PHF24: variants seen among roughly 807,000 people sequenced by gnomAD.
PHF24 encodes the protein Galpha inhibitory interacting protein.
Under a neutral mutation model 42.6 loss-of-function variants are expected in PHF24, and 25 were observed. The observed-to-expected ratio is 0.59, with a 90% CI of 0.43 to 0.82. The LOEUF is 0.82. Among genes scored for constraint, PHF24 ranks in the 40% least tolerant of loss-of-function variants. The pLI, the probability that PHF24 is intolerant of heterozygous loss-of-function variation, is 0.00. For missense variants in PHF24, 470 were observed against 538.1 expected, an observed-to-expected ratio of 0.87 and a Z score of 1.25; for synonymous variants, 185 against 204.8, an observed-to-expected ratio of 0.90 and a Z score of 0.83.
the PHF24 span, chr9:34,724,684 A>G: frequency 3.9e-6 from 6 of 1,546,680 alleles, no homozygotes; most frequent in Non-Finnish European, 5.3e-6. Flanking sequence ...ACTCTTTTGC[A>G]ACGTCTGTAC....
At chr9:34,817,354 C>A in the PHF24 span, among the ~76,000 whole-genome samples, 43 of 152,230 alleles carry the variant, frequency 2.8e-4, no homozygotes, top group East Asian at 7.7e-3. Flanking sequence ...AAGCCATCTT[C>A]CTGTCGCAGT....
At chr9:34,741,993 CAG>C in the PHF24 span, among the ~76,000 whole-genome samples, 2 of 152,108 alleles carry the variant, frequency 1.3e-5, no homozygotes, top group African/African-American at 4.8e-5. Flanking sequence ...CTTGAAAGTA[CAG>C]AGAGAATAGA....
At chr9:34,866,834 T>C in the PHF24 span, among the ~76,000 whole-genome samples, 1 of 152,066 alleles carries the variant, frequency 6.6e-6, no homozygotes, top group African/African-American at 2.4e-5. Context: ...TTAGTTTCCA[T>C]TTCTGTAGAC....
the PHF24 span, among the ~76,000 whole-genome samples, chr9:34,948,568 T>C: frequency 1.2e-4 from 18 of 152,228 alleles, no homozygotes; most frequent in African/African-American, 4.3e-4. Flanking sequence ...TACAAATGCC[T>C]GCAGTATTCA....
At chr9:34,756,057 G>C in the PHF24 span, among the ~76,000 whole-genome samples, 10 of 152,190 alleles carry the variant, frequency 6.6e-5, 1 homozygote, top group South Asian at 2.1e-3. Context: ...TAGTTTTAAA[G>C]TTTTTGGTCT....
At chr9:34,766,276 G>C in the PHF24 span, among the ~76,000 whole-genome samples, 1 of 152,190 alleles carries the variant, frequency 6.6e-6, no homozygotes, top group African/African-American at 2.4e-5. Flanking sequence ...AGTTCTCCTG[G>C]ATAATATCTT....
the PHF24 span, among the ~76,000 whole-genome samples, chr9:34,777,161 T>G: frequency 6.6e-6 from 1 of 152,070 alleles, no homozygotes; most frequent in African/African-American, 2.4e-5. Flanking sequence ...TTGTACTGGT[T>G]TTAGGGGGTC....
the PHF24 span, chr9:34,728,090 A>G: frequency 6.4e-7 from 1 of 1,551,630 alleles, no homozygotes. Flanking sequence ...TAGCTGAGGA[A>G]CGGGGAGACA....
At chr9:34,973,924 T>C (rs1827096353) in intron 3 of PHF24, among the ~76,000 whole-genome samples, 1 of 152,216 alleles carries the variant, frequency 6.6e-6, no homozygotes, top group Admixed American at 6.5e-5. Context: ...ATTGCCACCA[T>C]GCTCCACTGG....
chr9:34,973,276 G>T (rs1257037901), intron 3 of PHF24, among the ~76,000 whole-genome samples: 3 of 152,106 alleles, frequency 2.0e-5, no homozygotes, highest in Admixed American at 2.0e-4. Flanking sequence ...TTCCAGTAGG[G>T]GTAGATTCTA....
chr9:34,816,215 A>G, the PHF24 span, among the ~76,000 whole-genome samples: 3 of 152,148 alleles, frequency 2.0e-5, no homozygotes, highest in African/African-American at 7.2e-5. Context: ...CAGCTGATCC[A>G]GTTTGCAAAT....
chr9:34,976,060 C>A, intron 3 of PHF24, 92 bp from the exon 4 acceptor site: 1 of 874,360 alleles, frequency 1.1e-6, no homozygotes, highest in Non-Finnish European at 1.9e-6. Flanking sequence ...CTTGGAACTG[C>A]TTTCCAGTTG....
chr9:34,773,696 C>G, the PHF24 span, among the ~76,000 whole-genome samples: 1 of 152,296 alleles, frequency 6.6e-6, no homozygotes, highest in East Asian at 1.9e-4. Context: ...GATTTGTAGT[C>G]TTTCTCCCCA....
At chr9:34,786,756 G>C in the PHF24 span, among the ~76,000 whole-genome samples, 1 of 152,210 alleles carries the variant, frequency 6.6e-6, no homozygotes, top group South Asian at 2.1e-4. Flanking sequence ...CCACTGGTTT[G>C]TGCAGGTTTC....
At chr9:34,696,966 A>G in the PHF24 span, among the ~76,000 whole-genome samples, 1 of 152,216 alleles carries the variant, frequency 6.6e-6, no homozygotes, top group Non-Finnish European at 1.5e-5. Flanking sequence ...CAAGAGCAAG[A>G]GCGTAGGTGC....
the PHF24 span, among the ~76,000 whole-genome samples, chr9:34,824,523 A>G: frequency 6.6e-6 from 1 of 151,810 alleles, no homozygotes; most frequent in Non-Finnish European, 1.5e-5. Flanking sequence ...AATCATGGTG[A>G]TATTAAAGTA....
At chr9:34,814,371 C>G in the PHF24 span, among the ~76,000 whole-genome samples, 1 of 152,204 alleles carries the variant, frequency 6.6e-6, no homozygotes, top group Non-Finnish European at 1.5e-5. Flanking sequence ...CTGACTGTTT[C>G]TTGTCCATTT....
At chr9:34,756,893 CA>C in the PHF24 span, among the ~76,000 whole-genome samples, 25,608 of 151,682 alleles carry the variant, frequency 0.17, 2,307 homozygotes, top group Middle Eastern at 0.26. Flanking sequence ...ATTCCTTCAT[CA>C]GTGTTTTTCT....
chr9:34,745,158 CAG>C, the PHF24 span, among the ~76,000 whole-genome samples: 3 of 152,170 alleles, frequency 2.0e-5, no homozygotes, highest in African/African-American at 7.2e-5. Flanking sequence ...TGACTCAGAG[CAG>C]AGAGGTCAGG....
Sources: allele counts gnomAD v4.1 joint callset (sites outside exome capture counted in the v4.1 genomes callset), GRCh38; gene constraint gnomAD v4.1.1; transcripts MANE v1.5; gene names NCBI Gene and HGNC (gene_info 2026-07-23, HGNC 2026-07-21).